KIRREL3: variants seen among roughly 807,000 people sequenced by gnomAD.
KIRREL3 encodes kin of IRRE-like protein 3.
KIRREL3 carries 36 observed loss-of-function variants against 89.7 expected under a neutral mutation model. The ratio of observed to expected loss-of-function variants is 0.40; its 90% CI spans 0.31 to 0.53. The LOEUF (loss-of-function observed/expected upper bound fraction) is 0.53. Ranked by LOEUF, KIRREL3 falls within the 20% of genes least tolerant of loss-of-function variation. The pLI is 0.49. For synonymous variants in KIRREL3, 445 were observed against 441.4 expected (o/e 1.01, Z -0.10); for missense variants, 864 against 1,056.6 (o/e 0.82, Z 2.53).
At chr11:126,819,983 A>G (rs1279918470) in intron 1 of KIRREL3, among the ~76,000 whole-genome samples, 1 of 152,210 alleles carries the variant, frequency 6.6e-6, no homozygotes, top group Non-Finnish European at 1.5e-5. Context: ...TGAACAGCTC[A>G]TTAAGATAGT....
intron 13 of KIRREL3, among the ~76,000 whole-genome samples, chr11:126,434,285 G>A (rs935365705): frequency 9.2e-5 from 14 of 152,262 alleles, no homozygotes; most frequent in Admixed American, 7.8e-4. Flanking sequence ...AGGGGGGAAG[G>A]TGTTGGGGAG....
chr11:126,634,726 C>T (rs1166651388), intron 1 of KIRREL3, among the ~76,000 whole-genome samples: 1 of 152,216 alleles, frequency 6.6e-6, no homozygotes, highest in Non-Finnish European at 1.5e-5. Flanking sequence ...TCACCAAGCT[C>T]TTGCACTCCA....
chr11:126,869,338 A>T (rs1400197571), intron 1 of KIRREL3, among the ~76,000 whole-genome samples: 1 of 151,780 alleles, frequency 6.6e-6, no homozygotes, highest in African/African-American at 2.4e-5. Context: ...TGCCATACTC[A>T]TGACTTGCTG....
chr11:126,556,283 T>C (rs974754013), intron 2 of KIRREL3, among the ~76,000 whole-genome samples: 3 of 151,882 alleles, frequency 2.0e-5, no homozygotes, highest in African/African-American at 7.3e-5. Context: ...CAGGAGGCAC[T>C]CAGGAGATAA....
chr11:126,630,775 G>T (rs1785556663), intron 1 of KIRREL3, among the ~76,000 whole-genome samples: 1 of 152,126 alleles, frequency 6.6e-6, no homozygotes, highest in African/African-American at 2.4e-5. Flanking sequence ...TTCCTGATGT[G>T]TGGGTTGGTG....
chr11:126,758,306 A>G (rs1005931874), intron 1 of KIRREL3, among the ~76,000 whole-genome samples: 5 of 152,224 alleles, frequency 3.3e-5, no homozygotes, highest in Non-Finnish European at 7.3e-5. Context: ...TGTTTGTTGT[A>G]TTACCAGTGT....
intron 1 of KIRREL3, among the ~76,000 whole-genome samples, chr11:126,832,842 G>A (rs1943655559): frequency 6.6e-6 from 1 of 152,192 alleles, no homozygotes; most frequent in South Asian, 2.1e-4. Context: ...AACAGTGTTT[G>A]TTTCGTGTTT....
Position 126,931,149 on chromosome 11 carries a change from T to C in KIRREL3, c.55+69306A>G, listed in dbSNP as rs1947933570. On this transcript the variant is annotated intron_variant, in intron 1 of 16. Coordinates refer to ENST00000525144, the MANE Select transcript of KIRREL3 (RefSeq NM_032531.4). The surrounding 1 kb of genome is among the most constrained non-coding windows in gnomAD (Gnocchi z 5.1). ...TGGAACTTATGTGCACTACCTGTGTTTGTCTGCTGGTCTTGCTGGCTTCCC... is the reference window on the plus strand; with the variant it reads ...TGGAACTTATGTGCACTACCTGTGTCTGTCTGCTGGTCTTGCTGGCTTCCC... 6.6e-6 allele frequency among the ~76,000 whole-genome samples: 1 copy of C among 152,182 alleles called. No homozygotes were observed. The highest frequency in any genetic ancestry group is 2.4e-5 in the African/African-American group (1 of 41,450).
Position 126,612,365 on chromosome 11 carries a change from A to G in KIRREL3, c.56-49453T>C, listed in dbSNP as rs1016830679. ...AAATGCTCCCTCAGTATTTGAATAAATAAATGTGGTGTCAATTTGGATTAA... is the reference window on the plus strand; with the variant it reads ...AAATGCTCCCTCAGTATTTGAATAAGTAAATGTGGTGTCAATTTGGATTAA... On this transcript the variant is annotated intron_variant, in intron 1 of 16. Coordinates refer to ENST00000525144, the MANE Select transcript of KIRREL3 (RefSeq NM_032531.4). This position sits in a 1 kb window ranked among gnomAD's most constrained non-coding sequence, Gnocchi z 4.5. Among the ~76,000 whole-genome samples, 1 of 152,152 alleles carries G rather than the reference A, an allele frequency of 6.6e-6. No homozygotes were observed. Among genetic ancestry groups the G allele is most frequent in the Non-Finnish European group, 1.5e-5 (1 of 68,038 alleles).
rs548321285 is a variant in KIRREL3 at position 126,530,179 on chromosome 11, G to A, written c.134-3492C>T. ...TGGCTCACTGCAACCTTTGCCTCCC[G>A]GTTCAAGTGATTCTCCTGCCTCAGC... is the stretch of plus-strand genomic sequence containing the variant. On this transcript the variant is annotated intron_variant, in intron 2 of 16. Coordinates refer to ENST00000525144, the MANE Select transcript of KIRREL3 (RefSeq NM_032531.4). The surrounding 1 kb of genome is among the most constrained non-coding windows in gnomAD (Gnocchi z 5.8). Among the ~76,000 whole-genome samples the A allele has an allele frequency of 2.1e-3, 320 of 152,130 alleles. 2 individuals are homozygous for A. The highest frequency in any genetic ancestry group is 7.4e-3 in the African/African-American group (306 of 41,494).
In KIRREL3 at chr11:126,748,599, G is replaced by C. The variant is rs1473662964; in HGVS notation, c.56-185687C>G. On this transcript the variant is annotated intron_variant, in intron 1 of 16. Transcript: ENST00000525144. This position sits in a 1 kb window ranked among gnomAD's most constrained non-coding sequence, Gnocchi z 4.6. ...GGGCGGGGCAGGAAGGGAGGGAATCGTGTGCTGTGGCAGGAAAGAAGAGGC... is the reference window on the plus strand; with the variant it reads ...GGGCGGGGCAGGAAGGGAGGGAATCCTGTGCTGTGGCAGGAAAGAAGAGGC... 6.6e-6 allele frequency among the ~76,000 whole-genome samples: 1 copy of C among 152,110 alleles called. No individual in the cohort carries two copies. The highest frequency in any genetic ancestry group is 2.4e-5 in the African/African-American group (1 of 41,432).
At chr11:126,536,770 A>G (rs1937925864) in intron 2 of KIRREL3, among the ~76,000 whole-genome samples, 1 of 150,636 alleles carries the variant, frequency 6.6e-6, no homozygotes, top group Non-Finnish European at 1.5e-5. Flanking sequence ...TTAGCCTCCA[A>G]AGTAGCCGAG....
chr11:126,485,830 C>T lies in KIRREL3; in HGVS notation c.434-12364G>A, dbSNP rs1957345575. ...ACCACTAGAGCGATGACAAGGAGGT[C>T]ACAGACCCAAAGATCCCACAGCTGT... On this transcript the variant is annotated intron_variant, in intron 4 of 16. Coordinates refer to ENST00000525144, the MANE Select transcript of KIRREL3 (RefSeq NM_032531.4). This position sits in a 1 kb window ranked among gnomAD's most constrained non-coding sequence, Gnocchi z 5.8. Among the ~76,000 whole-genome samples, 1 of 152,186 alleles carries T rather than the reference C, an allele frequency of 6.6e-6. No homozygotes were observed. The highest frequency in any genetic ancestry group is 6.5e-5 in the Admixed American group (1 of 15,280).
chr11:126,448,389 C>T (rs2134201592), intron 8 of KIRREL3, among the ~76,000 whole-genome samples: 1 of 152,202 alleles, frequency 6.6e-6, no homozygotes, highest in South Asian at 2.1e-4. Context: ...TTGGTCATTG[C>T]CTGGGTTCAG....
chr11:126,638,411 C>T (rs114594177), intron 1 of KIRREL3, among the ~76,000 whole-genome samples: 3,207 of 152,320 alleles, frequency 0.021, 32 homozygotes, highest in Middle Eastern at 0.088. Context: ...CCCAGGAACT[C>T]TTGATGTTTC....
In KIRREL3 at chr11:126,441,422, G is replaced by A. The variant is rs1169851409; in HGVS notation, c.1253-873C>T. On this transcript the variant is annotated intron_variant, in intron 10 of 16. Coordinates refer to ENST00000525144, the MANE Select transcript of KIRREL3 (RefSeq NM_032531.4). This position sits in a 1 kb window ranked among gnomAD's most constrained non-coding sequence, Gnocchi z 5.0. ...TACCTAACCCAAGTCTTTCCCCTGT[G>A]ACGCCTGCCTGGCCGTGAAAGACAA... Among the ~76,000 whole-genome samples, 1 of 152,212 alleles carries A rather than the reference G, an allele frequency of 6.6e-6. No homozygotes were observed. Among genetic ancestry groups the A allele is most frequent in the Admixed American group, 6.5e-5 (1 of 15,286 alleles).
intron 1 of KIRREL3, among the ~76,000 whole-genome samples, chr11:126,824,944 C>T (rs928099365): frequency 1.3e-5 from 2 of 152,142 alleles, no homozygotes; most frequent in Non-Finnish European, 2.9e-5. Flanking sequence ...TCCTAGTGGA[C>T]AAATTGTGAG....
chr11:126,592,265 G>A (rs964173824), intron 1 of KIRREL3, among the ~76,000 whole-genome samples: 1 of 152,104 alleles, frequency 6.6e-6, no homozygotes, highest in Non-Finnish European at 1.5e-5. Context: ...AGGTATCATT[G>A]TTCCCTTTAT....
At chr11:126,514,125 G>C (rs953033528) in intron 4 of KIRREL3, among the ~76,000 whole-genome samples, 3 of 152,122 alleles carry the variant, frequency 2.0e-5, no homozygotes, top group African/African-American at 7.2e-5. Flanking sequence ...GGCAGGGGTG[G>C]GGTGTGTGTA....
Sources: allele counts gnomAD v4.1 joint callset (sites outside exome capture counted in the v4.1 genomes callset), GRCh38; gene constraint gnomAD v4.1.1; non-coding constraint Gnocchi (gnomAD v3.1); transcripts MANE v1.5; gene names NCBI Gene and HGNC (gene_info 2026-07-23, HGNC 2026-07-21).